The following ZMYM4 variants were observed in gnomAD, a reference collection of about 807,000 sequenced individuals.
ZMYM4 encodes the protein zinc finger MYM-type containing 4, also known as zinc finger MYM-type protein 4.
Under a neutral mutation model 183.2 loss-of-function variants are expected in ZMYM4, and 31 were observed. That is an observed-to-expected ratio of 0.17 (90% CI 0.13 to 0.23). The LOEUF (loss-of-function observed/expected upper bound fraction) is 0.23. ZMYM4 is among the 10% of genes least tolerant of loss of function. The pLI, the probability that ZMYM4 is intolerant of heterozygous loss-of-function variation, is 1.00. For synonymous variants in ZMYM4, 592 were observed against 631.2 expected (o/e 0.94, Z 0.93); for missense variants, 1,273 against 1,840.3 (o/e 0.69, Z 5.64).
At chr1:35,385,351 T>C (rs1644553705) in intron 9 of ZMYM4, 91 bp from the exon 10 acceptor site, 2 of 1,330,066 alleles carry the variant, frequency 1.5e-6, no homozygotes, top group Non-Finnish European at 2.1e-6. Context: ...TGATTTCAAA[T>C]ATTTCAAAAG....
At chr1:35,361,926 T>C in intron 5 of ZMYM4, 137 bp downstream of exon 5, 1 of 1,146,248 alleles carries the variant, frequency 8.7e-7, no homozygotes, top group African/African-American at 1.6e-5. Flanking sequence ...TGAGGCGATT[T>C]GAATTACCAT....
At chr1:35,368,022 C>CAGGG (rs1270901341) in intron 5 of ZMYM4, among the ~76,000 whole-genome samples, 1 of 151,702 alleles carries the variant, frequency 6.6e-6, no homozygotes, top group East Asian at 1.9e-4. Context: ...TGGACTAAGG[C>CAGGG]AGGGGTTGGC....
At chr1:35,381,801 G>T (rs770192883) in intron 9 of ZMYM4, 43 bp downstream of exon 9, 1 of 1,592,320 alleles carries the variant, frequency 6.3e-7, no homozygotes, top group Non-Finnish European at 8.6e-7. Context: ...TTCAGTTCAG[G>T]TAATCTGTAT....
intron 2 of ZMYM4, among the ~76,000 whole-genome samples, chr1:35,344,719 C>G (rs1401745277): frequency 6.6e-6 from 1 of 152,048 alleles, no homozygotes; most frequent in Non-Finnish European, 1.5e-5. Flanking sequence ...TTTCTATATT[C>G]AATTTGCCAA....
intron 2 of ZMYM4, among the ~76,000 whole-genome samples, chr1:35,333,838 T>G (rs1642860701): frequency 6.6e-6 from 1 of 152,112 alleles, no homozygotes; most frequent in Non-Finnish European, 1.5e-5. Context: ...CCCCTTCACC[T>G]CAACTGGAAT....
chr1:35,289,119 A>G (rs902571734), intron 1 of ZMYM4, among the ~76,000 whole-genome samples: 4 of 152,240 alleles, frequency 2.6e-5, no homozygotes, highest in African/African-American at 7.2e-5. Flanking sequence ...AAAACAGGAC[A>G]GCATAAGATA....
Position 35,325,017 on chromosome 1 carries a change from T to C in ZMYM4, c.40-343T>C, listed in dbSNP as rs377342110. 9.2e-5 allele frequency among the ~76,000 whole-genome samples: 14 copies of C among 152,276 alleles called. No individual in the cohort carries two copies. In the East Asian group the frequency reaches 1.7e-3, roughly 19 times the overall value. On this transcript the variant is annotated intron_variant, in intron 1 of 29. Coordinates refer to ENST00000314607, the MANE Select transcript of ZMYM4 (RefSeq NM_005095.3). ...GTTTTGATGGGAAGTTTTACATAGT[T>C]CTCGGTGTTAGTAAGTTCTTATGAA...
chr1:35,377,494 A>G (rs1270537775), intron 7 of ZMYM4, among the ~76,000 whole-genome samples: 1 of 152,176 alleles, frequency 6.6e-6, no homozygotes, highest in Admixed American at 6.5e-5. Context: ...TACTTCAGAG[A>G]TATTCAGGAT....
intron 26 of ZMYM4, among the ~76,000 whole-genome samples, chr1:35,412,154 C>CCATTCCTGGCTCAATACATTTTTA (rs1558198413): frequency 2.0e-5 from 3 of 152,042 alleles, no homozygotes; most frequent in African/African-American, 7.3e-5. Flanking sequence ...GCTGGGATTA[C>CCATTCCTGGCTCAATACATTTTTA]AGGCATGAGC....
chr1:35,359,895 T>G (rs929942687), intron 3 of ZMYM4, among the ~76,000 whole-genome samples: 12 of 140,640 alleles, frequency 8.5e-5, no homozygotes, highest in Middle Eastern at 6.8e-3. Context: ...TGAAAGGGAG[T>G]TTTTTTTTAA....
At chr1:35,393,869 C>G (rs999034489) in intron 18 of ZMYM4, 130 bp downstream of exon 18, 3 of 1,032,466 alleles carry the variant, frequency 2.9e-6, no homozygotes, top group African/African-American at 3.3e-5. Flanking sequence ...CAATTTAGTT[C>G]TCACAGCATC....
intron 1 of ZMYM4, among the ~76,000 whole-genome samples, chr1:35,295,727 A>C (rs1217483860): frequency 6.6e-6 from 1 of 152,194 alleles, no homozygotes; most frequent in African/African-American, 2.4e-5. Context: ...ATATACTTGC[A>C]GTAATGGTGC....
rs533117018 is a variant in ZMYM4 at position 35,401,297 on chromosome 1, A to ACC, written c.3528+1721_3528+1722insCC. Among the ~76,000 whole-genome samples the ACC allele has an allele frequency of 1.5e-3, 231 of 152,262 alleles. 1 individual carries two copies. The highest frequency in any genetic ancestry group is 4.7e-3 in the African/African-American group (196 of 41,558). ...CTCCATGACTTTGCTAACACTTGGT[A>ACC]TTGTTGATTTTTAATTTTAGCCATT... On this transcript the variant is annotated intron_variant, in intron 23 of 29. Transcript: ENST00000314607.
intron 2 of ZMYM4, among the ~76,000 whole-genome samples, chr1:35,330,274 T>G (rs1642681376): frequency 6.6e-6 from 1 of 151,882 alleles, no homozygotes; most frequent in African/African-American, 2.4e-5. Context: ...AAGGAAGGAA[T>G]GAGGAAAGAA....
At chr1:35,327,572 T>C (rs1642559773) in intron 2 of ZMYM4, among the ~76,000 whole-genome samples, 1 of 152,220 alleles carries the variant, frequency 6.6e-6, no homozygotes, top group South Asian at 2.1e-4. Flanking sequence ...TTATTTGATA[T>C]TGAGAGGTAA....
Position 35,413,961 on chromosome 1 carries a change from T to G in ZMYM4, c.3949-11T>G, listed in dbSNP as rs1267393420. The G allele has an allele frequency of 2.1e-6, 3 of 1,398,754 alleles. No homozygotes were observed. Among genetic ancestry groups the G allele is most frequent in the Non-Finnish European group, 2.0e-6 (2 of 1,019,224 alleles). The allele number at this position is 1,398,754 out of a possible 1,614,324, so 86.6% of individuals were successfully genotyped here. A position where few individuals can be genotyped will look rare whatever the true frequency, so the allele number is the denominator to read the frequency against. On this transcript the variant is annotated splice_polypyrimidine_tract_variant and intron_variant, in intron 26 of 29. Transcript: ENST00000314607. ...TATCAACATGTATATTTTCTTTTTT[T>G]TTTCTTGTAGTACCTGTTTGAAAAT...
chr1:35,305,674 GCTGGAACTACAGGTACACACCACTGTGC>G (rs1641504426), intron 1 of ZMYM4, among the ~76,000 whole-genome samples: 1 of 151,996 alleles, frequency 6.6e-6, no homozygotes, highest in Admixed American at 6.6e-5. Context: ...CTCCCAAGTA[GCTGGAACTACAGGTACACACCACTGTGC>G]CTAGCTGAGT....
chr1:35,417,470 C>G (rs767226513), intron 28 of ZMYM4, among the ~76,000 whole-genome samples: 3 of 152,174 alleles, frequency 2.0e-5, no homozygotes, highest in Non-Finnish European at 4.4e-5. Flanking sequence ...GATGCCATTT[C>G]TCACAATATT....
chr1:35,385,941 A>G, intron 10 of ZMYM4, 133 bp from the exon 11 acceptor site: 1 of 585,426 alleles, frequency 1.7e-6, no homozygotes. Context: ...TATATGTGAC[A>G]TGATTTAGTT....
Sources: gnomAD v4.1 joint callset for allele counts (sites outside exome capture counted in the v4.1 genomes callset) on GRCh38, gnomAD v4.1.1 for gene constraint, MANE v1.5 for transcripts, NCBI Gene and HGNC (gene_info 2026-07-23, HGNC 2026-07-21) for gene names.